Variants in MGAT4C observed in about 807,000 individuals in gnomAD.
MGAT4C encodes MGAT4 family member C, also known as alpha-1,3-mannosyl-glycoprotein 4-beta-N-acetylglucosaminyltransferase C.
A neutral mutation model predicts 40.1 loss-of-function variants in MGAT4C; 19 were observed. The observed-to-expected ratio is 0.47, with a 90% CI of 0.33 to 0.70. The LOEUF is 0.70. MGAT4C is among the 30% of genes least tolerant of loss of function. The pLI, the probability that MGAT4C is intolerant of heterozygous loss-of-function variation, is 0.02. For synonymous variants in MGAT4C, 181 were observed against 187.1 expected (o/e 0.97, Z 0.27); for missense variants, 491 against 563.2 (o/e 0.87, Z 1.30).
At chr12:86,085,597 C>A (rs1423631901) in intron 1 of MGAT4C, among the ~76,000 whole-genome samples, 2 of 151,910 alleles carry the variant, frequency 1.3e-5, no homozygotes, top group Non-Finnish European at 2.9e-5. Context: ...TCAGAGTGAA[C>A]AGGCAACCTA....
At chr12:86,233,844 AT>A (rs1356536943) in intron 1 of MGAT4C, among the ~76,000 whole-genome samples, 3 of 152,134 alleles carry the variant, frequency 2.0e-5, no homozygotes, top group Non-Finnish European at 2.9e-5. Context: ...ATTTCTTCTT[AT>A]CAAAATCAGT....
At chr12:86,666,468 G>A (rs952491477) in intron 2 of MGAT4C, among the ~76,000 whole-genome samples, 45 of 151,292 alleles carry the variant, frequency 3.0e-4, no homozygotes, top group African/African-American at 9.5e-4. Flanking sequence ...ACATCTTCTG[G>A]CATTTCATCA....
intron 3 of MGAT4C, among the ~76,000 whole-genome samples, chr12:86,344,784 G>A (rs1389993258): frequency 6.6e-6 from 1 of 151,204 alleles, no homozygotes; most frequent in East Asian, 2.0e-4. Context: ...GTAGCGGCAA[G>A]AGGGGCACAT....
At chr12:86,833,327 T>C (rs763933854) in intron 1 of MGAT4C, among the ~76,000 whole-genome samples, 1 of 151,858 alleles carries the variant, frequency 6.6e-6, no homozygotes, top group Non-Finnish European at 1.5e-5. Context: ...CAACAGAATC[T>C]TATGTGGCCT....
intron 2 of MGAT4C, among the ~76,000 whole-genome samples, chr12:86,569,800 A>G (rs954719880): frequency 3.9e-5 from 6 of 152,132 alleles, no homozygotes; most frequent in African/African-American, 1.4e-4. Context: ...ATGACTGGCA[A>G]TCGATGAAGG....
chr12:86,603,663 T>G (rs1460927645), intron 2 of MGAT4C, among the ~76,000 whole-genome samples: 4 of 128,398 alleles, frequency 3.1e-5, no homozygotes, highest in Non-Finnish European at 6.3e-5. Flanking sequence ...ATAGTCTATA[T>G]TATATATAGT....
At chr12:86,303,854 A>G (rs1466913115) in intron 4 of MGAT4C, among the ~76,000 whole-genome samples, 1 of 150,520 alleles carries the variant, frequency 6.6e-6, no homozygotes, top group Non-Finnish European at 1.5e-5. Flanking sequence ...ACGTTGTGAA[A>G]GCCAATGTCT....
At chr12:86,702,293 C>A (rs1379309895) in intron 2 of MGAT4C, among the ~76,000 whole-genome samples, 1 of 151,862 alleles carries the variant, frequency 6.6e-6, no homozygotes, top group Non-Finnish European at 1.5e-5. Context: ...AGTCCTCCCA[C>A]TTTGGCCTCC....
In MGAT4C at chr12:86,042,940, A is replaced by G. The variant is rs147122111; in HGVS notation, c.-7+6734T>C. 2.7e-3 allele frequency among the ~76,000 whole-genome samples: 408 copies of G among 151,990 alleles called. 3 individuals carry two copies. Among genetic ancestry groups the G allele is most frequent in the Middle Eastern group, 0.01 (3 of 294 alleles). ...TTTCTGGCTTATAGGGTTTCTGTCA[A>G]AAAGTCTGCTGGTAGCCTGATGGTG... On this transcript the variant is annotated intron_variant, in intron 2 of 4. Transcript: ENST00000611864.
chr12:86,803,602 G>A lies in MGAT4C; in HGVS notation c.-262+35064C>T, dbSNP rs947334320. The stretch of plus-strand genomic sequence containing the variant: ...CAAACAACCCCATCAAAAAGTGGGC[G>A]AAGGACATGAACAGACACTTCTCAA... On this transcript the variant is annotated intron_variant, in intron 1 of 7. Coordinates refer to the MGAT4C transcript ENST00000548651. 2.0e-4 allele frequency among the ~76,000 whole-genome samples: 30 copies of A among 148,994 alleles called. No homozygotes were observed. The South Asian group carries it at 2.3e-3, about 12-fold the overall frequency.
chr12:86,004,344 T>G (rs970334450), intron 2 of MGAT4C, among the ~76,000 whole-genome samples: 9 of 152,168 alleles, frequency 5.9e-5, no homozygotes, highest in Non-Finnish European at 1.3e-4. Flanking sequence ...TAGTTTAATG[T>G]CATCAGTGGT....
intron 4 of MGAT4C, among the ~76,000 whole-genome samples, chr12:86,326,212 A>T (rs956879344): frequency 6.6e-6 from 1 of 151,978 alleles, no homozygotes; most frequent in Non-Finnish European, 1.5e-5. Context: ...AAAATATGAG[A>T]TCTAATGTAC....
Position 86,784,858 on chromosome 12 carries a change from A to G in MGAT4C, c.-262+53808T>C, listed in dbSNP as rs184346558. On this transcript the variant is annotated intron_variant, in intron 1 of 7. Transcript: ENST00000548651. ...TTAGAGGAAGGAAAATATCAAATGC[A>G]GTTCTGAAAAACTAACTCAAGCAAT... 2.6e-5 allele frequency among the ~76,000 whole-genome samples: 4 copies of G among 152,096 alleles called. No homozygotes were observed. The East Asian group carries it at 7.8e-4, about 30-fold the overall frequency.
At chr12:86,687,832 G>A (rs1950100745) in intron 2 of MGAT4C, among the ~76,000 whole-genome samples, 1 of 152,156 alleles carries the variant, frequency 6.6e-6, no homozygotes, top group African/African-American at 2.4e-5. Flanking sequence ...GGAGTGTTCT[G>A]TAGATTTCTA....
chr12:86,497,286 T>C lies in MGAT4C; in HGVS notation c.-228-62021A>G, dbSNP rs372061943. On this transcript the variant is annotated intron_variant, in intron 2 of 7. Transcript: ENST00000548651. ...TTAACCAGTGATAAATTAGGCTCTT[T>C]GGAGTATATACCTGTGAGCCATGTC... 8.5e-5 allele frequency among the ~76,000 whole-genome samples: 13 copies of C among 152,092 alleles called. No individual in the cohort carries two copies. The East Asian group carries it at 2.1e-3, about 25-fold the overall frequency.
intron 2 of MGAT4C, among the ~76,000 whole-genome samples, chr12:86,696,020 GC>G (rs1487482690): frequency 6.6e-6 from 1 of 151,844 alleles, no homozygotes; most frequent in Non-Finnish European, 1.5e-5. Context: ...GACCATCCTG[GC>G]CAACATGGTG....
At chr12:86,324,931 TA>T (rs1315961011) in intron 4 of MGAT4C, among the ~76,000 whole-genome samples, 1 of 152,182 alleles carries the variant, frequency 6.6e-6, no homozygotes, top group African/African-American at 2.4e-5. Context: ...CTTGCAGTGT[TA>T]AAATGACATG....
chr12:86,724,164 A>G (rs1426121303), intron 2 of MGAT4C, among the ~76,000 whole-genome samples: 1 of 152,188 alleles, frequency 6.6e-6, no homozygotes, highest in Non-Finnish European at 1.5e-5. Context: ...TGTTGCCTTT[A>G]TGATTTAAAA....
intron 4 of MGAT4C, among the ~76,000 whole-genome samples, chr12:86,326,306 A>G (rs946513700): frequency 6.6e-6 from 1 of 150,798 alleles, no homozygotes; most frequent in Non-Finnish European, 1.5e-5. Flanking sequence ...TCACACACAC[A>G]CACACACACA....
Sources: allele counts gnomAD v4.1 joint callset (sites outside exome capture counted in the v4.1 genomes callset), GRCh38; gene constraint gnomAD v4.1.1; transcripts MANE v1.5; gene names NCBI Gene and HGNC (gene_info 2026-07-23, HGNC 2026-07-21).